The following LRP1B variants were observed in gnomAD, a reference collection of about 807,000 sequenced individuals.
LRP1B encodes the protein LDL receptor related protein 1B.
Under a neutral mutation model 556.6 loss-of-function variants are expected in LRP1B, and 217 were observed. That is an observed-to-expected ratio of 0.39 (90% CI 0.35 to 0.44). The LOEUF (loss-of-function observed/expected upper bound fraction) is 0.44. LRP1B is among the 20% of genes least tolerant of loss of function. The pLI, the probability that LRP1B is intolerant of heterozygous loss-of-function variation, is 1.00. For synonymous variants in LRP1B, 2,047 were observed against 1,865.8 expected (o/e 1.10, Z -2.50); for missense variants, 5,053 against 5,620.8 (o/e 0.90, Z 3.23).
At chr2:141,228,384 T>C (rs1683326510) in intron 6 of LRP1B, among the ~76,000 whole-genome samples, 1 of 151,630 alleles carries the variant, frequency 6.6e-6, no homozygotes, top group Non-Finnish European at 1.5e-5. Flanking sequence ...AGAGAATATG[T>C]GTGCATCTCT....
chr2:140,357,014 C>T (rs936110329), intron 74 of LRP1B, among the ~76,000 whole-genome samples: 7 of 151,700 alleles, frequency 4.6e-5, no homozygotes, highest in African/African-American at 9.7e-5. Flanking sequence ...GTAATGTGCT[C>T]ATAATGGTTG....
chr2:141,843,030 C>G (rs1463208930), intron 1 of LRP1B, among the ~76,000 whole-genome samples: 1 of 151,898 alleles, frequency 6.6e-6, no homozygotes, highest in Non-Finnish European at 1.5e-5. Context: ...TTTTTTTAAA[C>G]TGAGAGGGAA....
intron 30 of LRP1B, 137 bp downstream of exon 30, chr2:140,840,781 G>T (rs1692076832): frequency 1.7e-6 from 1 of 579,958 alleles, no homozygotes; most frequent in South Asian, 3.5e-5. Context: ...CTCTTTTACA[G>T]TTTCCATATT....
At chr2:140,807,733 T>C (rs1222938281) in intron 32 of LRP1B, among the ~76,000 whole-genome samples, 1 of 152,140 alleles carries the variant, frequency 6.6e-6, no homozygotes, top group Non-Finnish European at 1.5e-5. Flanking sequence ...GAAAAGGTTG[T>C]CAATATAATT....
At chr2:141,448,944 C>T (rs1308222419) in intron 3 of LRP1B, among the ~76,000 whole-genome samples, 1 of 152,194 alleles carries the variant, frequency 6.6e-6, no homozygotes, top group African/African-American at 2.4e-5. Flanking sequence ...AAATTTGAAA[C>T]TATTCAATTT....
chr2:141,412,754 G>T (rs772323485), intron 3 of LRP1B, among the ~76,000 whole-genome samples: 1 of 152,170 alleles, frequency 6.6e-6, no homozygotes, highest in Admixed American at 6.5e-5. Context: ...AGTAACCAAA[G>T]AGAAAAATTC....
intron 33 of LRP1B, 103 bp downstream of exon 33, chr2:140,775,995 A>G (rs962802649): frequency 9.9e-7 from 1 of 1,006,270 alleles, no homozygotes; most frequent in Non-Finnish European, 1.4e-6. Context: ...TGTTTTTATT[A>G]GAAGCAAGAA....
chr2:140,970,714 CTTTTTTTTTTTTTTTTTTTTTTTTTTT>C (rs571691521), intron 18 of LRP1B, among the ~76,000 whole-genome samples: 3 of 12,254 alleles, frequency 2.4e-4, no homozygotes, highest in African/African-American at 7.0e-4. Context: ...ATTTTTTAAC[CTTTTTTTTTTTTTTTTTTTTTTTTTTT>C]TTTTTTTTTT....
chr2:140,342,358 A>G (rs1681440236), intron 77 of LRP1B, among the ~76,000 whole-genome samples: 1 of 151,398 alleles, frequency 6.6e-6, no homozygotes, highest in Non-Finnish European at 1.5e-5. Context: ...ACATACTATA[A>G]CCCTTCAGAC....
intron 1 of LRP1B, among the ~76,000 whole-genome samples, chr2:141,880,396 T>C (rs1402689995): frequency 3.9e-5 from 6 of 152,052 alleles, no homozygotes; most frequent in Admixed American, 2.0e-4. Context: ...AAATTATAAA[T>C]ATGTGATACA....
At chr2:141,276,892 G>A (rs1454650774) in intron 3 of LRP1B, among the ~76,000 whole-genome samples, 2 of 152,068 alleles carry the variant, frequency 1.3e-5, no homozygotes, top group African/African-American at 4.8e-5. Context: ...TCCTGACCTC[G>A]TGATCTGCCC....
intron 27 of LRP1B, among the ~76,000 whole-genome samples, chr2:140,856,738 TACACACACACACACACACACAC>T (rs57220779): frequency 3.0e-4 from 44 of 148,448 alleles, no homozygotes; most frequent in African/African-American, 8.5e-4. Context: ...CTAAGAGAGA[TACACACACACACACACACACAC>T]ACACACACAC....
At chr2:140,883,758 T>A (rs1260836636) in intron 25 of LRP1B, 59 bp downstream of exon 25, 1 of 1,496,530 alleles carries the variant, frequency 6.7e-7, no homozygotes, top group African/African-American at 1.4e-5. Context: ...AAATTCAATG[T>A]TAAATTGAAA....
At chr2:140,485,251 G>T in intron 59 of LRP1B, 92 bp downstream of exon 59, 1 of 903,376 alleles carries the variant, frequency 1.1e-6, no homozygotes, top group Non-Finnish European at 1.6e-6. Context: ...ACGTTACATT[G>T]GATTTCCATG....
At chr2:141,681,749 C>T (rs1192612848) in intron 2 of LRP1B, among the ~76,000 whole-genome samples, 1 of 152,122 alleles carries the variant, frequency 6.6e-6, no homozygotes, top group Non-Finnish European at 1.5e-5. Context: ...CACTATCTAT[C>T]GTGGGCAAGT....
intron 43 of LRP1B, among the ~76,000 whole-genome samples, chr2:140,550,984 G>A (rs1680527803): frequency 6.6e-6 from 1 of 151,864 alleles, no homozygotes; most frequent in Non-Finnish European, 1.5e-5. Flanking sequence ...AGAAATGAGA[G>A]CCCTTTCTCT....
intron 17 of LRP1B, 118 bp from the exon 18 acceptor site, chr2:140,982,394 A>G (rs755368392): frequency 1.6e-5 from 10 of 615,532 alleles, no homozygotes; most frequent in Non-Finnish European, 2.5e-5. Context: ...CTATTAAAAT[A>G]AAATATTTTA....
intron 32 of LRP1B, among the ~76,000 whole-genome samples, chr2:140,784,376 C>CCACACACACACACACACACACACA (rs143661527): frequency 4.7e-5 from 6 of 126,574 alleles, no homozygotes; most frequent in East Asian, 2.6e-4. Context: ...GATTCTGCCT[C>CCACACACACACACACACACACACA]CACACACACA....
At chr2:140,622,683 C>T (rs1683497234) in intron 41 of LRP1B, among the ~76,000 whole-genome samples, 1 of 151,972 alleles carries the variant, frequency 6.6e-6, no homozygotes, top group Non-Finnish European at 1.5e-5. Flanking sequence ...GGAAATCATT[C>T]GGAACAGAAA....
Sources: allele counts gnomAD v4.1 joint callset (sites outside exome capture counted in the v4.1 genomes callset), GRCh38; gene constraint gnomAD v4.1.1; transcripts MANE v1.5; gene names NCBI Gene and HGNC (gene_info 2026-07-23, HGNC 2026-07-21).